Variants in CACNG2 observed in about 807,000 individuals in gnomAD.
CACNG2 encodes calcium voltage-gated channel auxiliary subunit gamma 2.
CACNG2 carries 3 observed loss-of-function variants against 25.9 expected under a neutral mutation model. That is an observed-to-expected ratio of 0.12 (90% CI 0.05 to 0.30). CACNG2 has a LOEUF of 0.30. Among genes scored for constraint, CACNG2 ranks in the 10% least tolerant of loss-of-function variants. The pLI, the probability that CACNG2 is intolerant of heterozygous loss-of-function variation, is 1.00. For synonymous variants in CACNG2, 167 were observed against 173.3 expected, an observed-to-expected ratio of 0.96 and a Z score of 0.29; for missense variants, 341 against 432.5, an observed-to-expected ratio of 0.79 and a Z score of 1.88.
chr22:36,617,723 G>A (rs1936044264), intron 1 of CACNG2, among the ~76,000 whole-genome samples: 1 of 150,156 alleles, frequency 6.7e-6, no homozygotes, highest in Non-Finnish European at 1.5e-5. Flanking sequence ...TTTAGAATCA[G>A]ACAGCCCAAT....
In CACNG2 at chr22:36,678,063, G is replaced by A. The variant is rs371391854; in HGVS notation, c.211+24303C>T. On this transcript the variant is annotated intron_variant, in intron 1 of 3. Transcript: ENST00000300105. ...AAGTGTTGCAGAGATGCCAATGGTC[G>A]CAAAGGAGAGAGAATTGGTATTGAA... 1.1e-4 allele frequency among the ~76,000 whole-genome samples: 17 copies of A among 152,248 alleles called. No individual in the cohort carries two copies. The East Asian group carries it at 2.1e-3, about 19-fold the overall frequency.
intron 1 of CACNG2, among the ~76,000 whole-genome samples, chr22:36,698,357 AG>A (rs1356583807): frequency 1.3e-5 from 2 of 152,342 alleles, no homozygotes; most frequent in African/African-American, 4.8e-5. Flanking sequence ...GGAATTATGG[AG>A]CAATACTTGC....
Position 36,591,044 on chromosome 22 carries a change from T to G in CACNG2, c.212-3496A>C, listed in dbSNP as rs116530168. ...TGCTCTATGTTGGGGGGAGATATAT[T>G]TTTTTTTTTTGAGACGGTGTCTTGC... is the stretch of plus-strand genomic sequence containing the variant. On this transcript the variant is annotated intron_variant, in intron 1 of 3. Transcript: ENST00000300105. Among the ~76,000 whole-genome samples the G allele has an allele frequency of 5.7e-5, 8 of 139,458 alleles. No homozygotes were observed. In the South Asian group the frequency reaches 1.8e-3, roughly 31 times the overall value. The allele number at this position is 139,458 out of a possible 152,430, so 91.5% of individuals were successfully genotyped here.
Position 36,594,312 on chromosome 22 carries a change from A to G in CACNG2, c.212-6764T>C, listed in dbSNP as rs1311026742. Among the ~76,000 whole-genome samples, 9 of 152,306 alleles carry G rather than the reference A, an allele frequency of 5.9e-5. No homozygotes were observed. The East Asian group carries it at 1.4e-3, about 23-fold the overall frequency. Reference sequence around the variant, plus strand: ...ATAGTACAGAACTTACTAGAGTGCAATCCTTCACATACTATATTAGAAGGA... The same window carrying G: ...ATAGTACAGAACTTACTAGAGTGCAGTCCTTCACATACTATATTAGAAGGA... On this transcript the variant is annotated intron_variant, in intron 1 of 3. Transcript: ENST00000300105.
At chr22:36,655,767 T>C (rs968456400) in intron 1 of CACNG2, among the ~76,000 whole-genome samples, 1 of 147,534 alleles carries the variant, frequency 6.8e-6, no homozygotes, top group African/African-American at 2.6e-5. Flanking sequence ...TCTTTCTTTC[T>C]CTTTCTTTCC....
intron 1 of CACNG2, among the ~76,000 whole-genome samples, chr22:36,669,638 T>C (rs999476719): frequency 5.3e-5 from 8 of 152,130 alleles, no homozygotes; most frequent in Non-Finnish European, 1.2e-4. Context: ...CATGAGTGTG[T>C]GTGCTCATGT....
intron 1 of CACNG2, among the ~76,000 whole-genome samples, chr22:36,603,715 G>T (rs1396827747): frequency 6.6e-6 from 1 of 152,216 alleles, no homozygotes; most frequent in East Asian, 1.9e-4. Flanking sequence ...CCTACATGCA[G>T]CATATCTATT....
rs371798052 is a variant in CACNG2, at chr22:36,667,148, C to T, written c.211+35218G>A. On this transcript the variant is annotated intron_variant, in intron 1 of 3. Coordinates refer to ENST00000300105, the MANE Select transcript of CACNG2 (RefSeq NM_006078.5). ...GAGATTATAGGCACCTGCCATGACC[C>T]GTGGCTAAGACGGGGTTTCACCATG... Among the ~76,000 whole-genome samples, 11 of 152,222 alleles carry T rather than the reference C, an allele frequency of 7.2e-5. 1 individual carries two copies. The highest frequency in any genetic ancestry group is 6.2e-4 in the South Asian group (3 of 4,820).
intron 1 of CACNG2, among the ~76,000 whole-genome samples, chr22:36,625,153 G>C (rs966712509): frequency 9.9e-5 from 15 of 152,118 alleles, no homozygotes; most frequent in Admixed American, 5.2e-4. Context: ...CAGGCTTTGT[G>C]CAATCCCTGG....
chr22:36,590,933 T>C (rs1167912663), intron 1 of CACNG2, among the ~76,000 whole-genome samples: 1 of 152,032 alleles, frequency 6.6e-6, no homozygotes, highest in African/African-American at 2.4e-5. Flanking sequence ...TCCCACCACG[T>C]CCTCTGTTGC....
At chr22:36,624,767 C>T (rs571129777) in intron 1 of CACNG2, among the ~76,000 whole-genome samples, 4 of 152,170 alleles carry the variant, frequency 2.6e-5, no homozygotes, top group African/African-American at 7.2e-5. Flanking sequence ...CGGTGGCTCC[C>T]GCCTGTAATC....
At chr22:36,602,616 C>G (rs924916306) in intron 1 of CACNG2, among the ~76,000 whole-genome samples, 1 of 152,112 alleles carries the variant, frequency 6.6e-6, no homozygotes, top group Non-Finnish European at 1.5e-5. Flanking sequence ...GAACTCCTGA[C>G]CTCAGGTGAT....
chr22:36,582,657 C>T (rs1013880045), intron 2 of CACNG2, among the ~76,000 whole-genome samples: 1 of 151,814 alleles, frequency 6.6e-6, no homozygotes, highest in Non-Finnish European at 1.5e-5. Context: ...GATCTGCCCA[C>T]CTTGGCCTCC....
At chr22:36,702,296 A>C (rs1569057201) in intron 1 of CACNG2, 70 bp downstream of exon 1, 2 of 733,904 alleles carry the variant, frequency 2.7e-6, no homozygotes, top group Non-Finnish European at 2.0e-6. Flanking sequence ...TATTTGGAGG[A>C]GGGTGGGGAG....
At chr22:36,637,995 C>T (rs537727487) in intron 1 of CACNG2, among the ~76,000 whole-genome samples, 6 of 151,524 alleles carry the variant, frequency 4.0e-5, no homozygotes, top group African/African-American at 4.9e-5. Flanking sequence ...GTACTCCAGC[C>T]TGGGCAACAG....
intron 1 of CACNG2, among the ~76,000 whole-genome samples, chr22:36,626,763 G>A (rs1336206429): frequency 6.6e-6 from 1 of 152,210 alleles, no homozygotes; most frequent in Non-Finnish European, 1.5e-5. Flanking sequence ...AGTCCCAGTT[G>A]ATTAAGAGTC....
At chr22:36,687,230 C>A (rs904202775) in intron 1 of CACNG2, among the ~76,000 whole-genome samples, 2 of 152,182 alleles carry the variant, frequency 1.3e-5, no homozygotes, top group Admixed American at 6.5e-5. Context: ...AGCCTCCAGG[C>A]CAGCCTTGTA....
chr22:36,655,793 CTTCTTTCTTCTTTCT>C (rs1569042563), intron 1 of CACNG2, among the ~76,000 whole-genome samples: 1 of 122,034 alleles, frequency 8.2e-6, no homozygotes, highest in Admixed American at 9.0e-5. Flanking sequence ...TCCTTCCTTC[CTTCTTTCTTCTTTCT>C]TTCTTTTTTT....
intron 1 of CACNG2, among the ~76,000 whole-genome samples, chr22:36,629,526 G>A (rs368789149): frequency 3.8e-4 from 58 of 151,796 alleles, no homozygotes; most frequent in African/African-American, 1.3e-3. Context: ...GTGTGTGTTC[G>A]TGTGTATGTG....
Sources: gnomAD v4.1 joint callset for allele counts (sites outside exome capture counted in the v4.1 genomes callset) on GRCh38, gnomAD v4.1.1 for gene constraint, MANE v1.5 for transcripts, NCBI Gene and HGNC (gene_info 2026-07-23, HGNC 2026-07-21) for gene names.